The following ZCWPW2 variants were observed in gnomAD, a reference collection of about 807,000 sequenced individuals.
The protein encoded by ZCWPW2 is zinc finger CW-type and PWWP domain containing 2, also known as zinc finger CW-type PWWP domain protein 2.
In ZCWPW2, 45 loss-of-function variants were observed where a neutral mutation model predicts 46.6. That is an observed-to-expected ratio of 0.96 (90% CI 0.76 to 1.24). ZCWPW2 has a LOEUF of 1.24. Ranked by LOEUF, ZCWPW2 falls within the 50% of genes most tolerant of loss-of-function variation. The probability of loss-of-function intolerance (pLI) is 0.00; values close to 1 mark genes in which losing one functional copy is unlikely to be tolerated. For synonymous variants in ZCWPW2, 152 were observed against 137.1 expected (o/e 1.11, Z -0.76); for missense variants, 429 against 403.9 (o/e 1.06, Z -0.53).
At chr3:28,507,314 C>T (rs1031135726) in intron 6 of ZCWPW2, among the ~76,000 whole-genome samples, 9 of 152,060 alleles carry the variant, frequency 5.9e-5, no homozygotes, top group East Asian at 1.9e-4. Flanking sequence ...CCATTAGTAC[C>T]GATAAAGTAC....
intron 2 of ZCWPW2, among the ~76,000 whole-genome samples, chr3:28,406,780 C>T (rs190095067): frequency 3.0e-4 from 45 of 151,024 alleles, no homozygotes; most frequent in African/African-American, 1.1e-3. Context: ...TATTTTTGTA[C>T]GTTACATGCA....
In ZCWPW2 at chr3:28,460,252, C is replaced by CTT. The variant is rs75406240; in HGVS notation, c.493-18545_493-18544dup. ...AGGGGTCACACTAAACAGAGCTAGA[C>CTT]TTTTTTTTTTTTTTTTTTAGCTTTA... On this transcript the variant is annotated intron_variant, in intron 4 of 9. Transcript: ENST00000383768. Among the ~76,000 whole-genome samples, 348 of 125,408 alleles carry CTT rather than the reference C, an allele frequency of 2.8e-3. 1 individual carries two copies. The highest frequency in any genetic ancestry group is 8.8e-3 in the African/African-American group (300 of 34,274). 82.3% of individuals were successfully genotyped at this position (125,408 alleles called of 152,430 possible). A position where few individuals can be genotyped will look rare whatever the true frequency, so the allele number is the denominator to read the frequency against.
At chr3:28,513,650 C>T (rs1253671016) in intron 6 of ZCWPW2, among the ~76,000 whole-genome samples, 1 of 152,122 alleles carries the variant, frequency 6.6e-6, no homozygotes, top group Non-Finnish European at 1.5e-5. Context: ...TATCCTGGTA[C>T]AAATTTCTTT....
At chr3:28,522,520 T>A (rs550095542) in intron 9 of ZCWPW2, among the ~76,000 whole-genome samples, 1 of 152,192 alleles carries the variant, frequency 6.6e-6, no homozygotes, top group Non-Finnish European at 1.5e-5. Context: ...ACTGCCCAGT[T>A]GTATGATTTC....
intron 1 of ZCWPW2, among the ~76,000 whole-genome samples, chr3:28,383,767 C>A (rs1695178274): frequency 6.6e-6 from 1 of 152,016 alleles, no homozygotes; most frequent in Admixed American, 6.6e-5. Flanking sequence ...CCAAAGTACT[C>A]TTTTTGCCAC....
chr3:28,400,287 A>G lies in ZCWPW2; in HGVS notation c.-14+9670A>G, dbSNP rs149189852. Among the ~76,000 whole-genome samples, 375 of 152,220 alleles carry G rather than the reference A, an allele frequency of 2.5e-3. 1 individual carries two copies. The highest frequency in any genetic ancestry group is 8.2e-3 in the African/African-American group (342 of 41,572). ...TGAACAAAGCCCAAAGAAGTCTGGG[A>G]TTATGTTAAATGACCAAACCTAAGA... On this transcript the variant is annotated intron_variant, in intron 2 of 9. Coordinates refer to ENST00000383768, the MANE Select transcript of ZCWPW2 (RefSeq NM_001040432.4).
intron 6 of ZCWPW2, among the ~76,000 whole-genome samples, chr3:28,497,384 C>T (rs1700020848): frequency 6.6e-6 from 1 of 151,836 alleles, no homozygotes; most frequent in Non-Finnish European, 1.5e-5. Context: ...TTCTGCATAG[C>T]ATACCATAGT....
chr3:28,445,515 C>T (rs939430408), intron 4 of ZCWPW2, among the ~76,000 whole-genome samples: 18 of 151,880 alleles, frequency 1.2e-4, no homozygotes, highest in South Asian at 1.0e-3. Flanking sequence ...ATGTAATCCT[C>T]GTGTTAAACA....
At chr3:28,375,915 A>T (rs1705486521) in intron 1 of ZCWPW2, among the ~76,000 whole-genome samples, 1 of 152,042 alleles carries the variant, frequency 6.6e-6, no homozygotes, top group African/African-American at 2.4e-5. Context: ...TTCCTGACTT[A>T]TTTCTCTTAA....
At chr3:28,484,008 T>G (rs1294602111) in intron 5 of ZCWPW2, among the ~76,000 whole-genome samples, 1 of 152,148 alleles carries the variant, frequency 6.6e-6, no homozygotes, top group Non-Finnish European at 1.5e-5. Flanking sequence ...GGCATTCCAG[T>G]ACAATATTGA....
intron 6 of ZCWPW2, among the ~76,000 whole-genome samples, chr3:28,507,948 G>A (rs1363531990): frequency 2.0e-5 from 3 of 152,060 alleles, no homozygotes; most frequent in Admixed American, 6.6e-5. Flanking sequence ...AAAGCTACGT[G>A]TCTTAGTTCA....
rs1698409387 is a variant in ZCWPW2 at position 28,456,051 on chromosome 3, T to C, written c.492+20782T>C. On this transcript the variant is annotated intron_variant, in intron 4 of 9. Coordinates refer to ENST00000383768, the MANE Select transcript of ZCWPW2 (RefSeq NM_001040432.4). ...CAATGGTAGTCTAATGGGAATAGCA[T>C]TGAATCTATAACTTACTTTGGTCAG... Among the ~76,000 whole-genome samples the C allele has an allele frequency of 1.3e-5, 2 of 152,224 alleles. 1 individual carries two copies. Among genetic ancestry groups the C allele is most frequent in the South Asian group, 4.1e-4 (2 of 4,834 alleles).
intron 3 of ZCWPW2, among the ~76,000 whole-genome samples, chr3:28,414,333 A>ATTTTCTTTTCTTTTAATTT (rs1696548876): frequency 6.6e-6 from 1 of 151,090 alleles, no homozygotes; most frequent in South Asian, 2.1e-4. Context: ...CTCTTTTCAA[A>ATTTTCTTTTCTTTTAATTT]TCTTTTTCTC....
chr3:28,374,388 T>C (rs1273267867), intron 1 of ZCWPW2, among the ~76,000 whole-genome samples: 1 of 152,200 alleles, frequency 6.6e-6, no homozygotes, highest in African/African-American at 2.4e-5. Context: ...TTTGGCTTTG[T>C]ATAGTATATT....
In ZCWPW2 at chr3:28,413,348, T is replaced by G. The variant is rs1392241849; in HGVS notation, c.280T>G (p.Ser94Ala). The G allele has an allele frequency of 6.2e-7, 1 of 1,612,478 alleles. No homozygotes were observed. The highest frequency in any genetic ancestry group is 8.5e-7 in the Non-Finnish European group (1 of 1,178,850). ...TCAGTGTGGATTTAAGATTGTCTAT[T>G]CACAGCTCCCTCTTGGAAGCCTGGT... ...LHQCGFKIVY[S>A]QLPLGSLVLV... Residue 94 changes from serine to alanine, a missense_variant, in exon 3 of 10, where the codon TCA (serine) becomes GCA (alanine). Transcript: ENST00000383768.
chr3:28,437,188 A>T (rs927408645), intron 4 of ZCWPW2, among the ~76,000 whole-genome samples: 1 of 152,234 alleles, frequency 6.6e-6, no homozygotes, highest in Non-Finnish European at 1.5e-5. Context: ...AGAAGTATGT[A>T]AATTGTACAA....
intron 6 of ZCWPW2, among the ~76,000 whole-genome samples, chr3:28,510,296 T>C (rs568602860): frequency 3.3e-4 from 51 of 152,314 alleles, no homozygotes; most frequent in South Asian, 1.4e-3. Flanking sequence ...GAAGAGTATA[T>C]TGCCCCACTG....
At chr3:28,393,298 C>T (rs1485384714) in intron 2 of ZCWPW2, among the ~76,000 whole-genome samples, 1 of 152,038 alleles carries the variant, frequency 6.6e-6, no homozygotes, top group Non-Finnish European at 1.5e-5. Context: ...GAGTTTGAAT[C>T]AGTAATCAAA....
chr3:28,473,485 C>CA (rs1237393224), intron 4 of ZCWPW2, among the ~76,000 whole-genome samples: 4 of 150,368 alleles, frequency 2.7e-5, no homozygotes, highest in Admixed American at 6.6e-5. Context: ...AAAAAAAAAA[C>CA]AAAAAAATAG....
Sources: allele counts gnomAD v4.1 joint callset (sites outside exome capture counted in the v4.1 genomes callset), GRCh38; gene constraint gnomAD v4.1.1; transcripts MANE v1.5; gene names NCBI Gene and HGNC (gene_info 2026-07-23, HGNC 2026-07-21).